ALDH6A1: variants seen among roughly 807,000 people sequenced by gnomAD.
ALDH6A1 encodes the protein methylmalonate-semialdehyde/malonate-semialdehyde dehydrogenase [acylating], mitochondrial.
A neutral mutation model predicts 62.6 loss-of-function variants in ALDH6A1; 43 were observed. The ratio of observed to expected loss-of-function variants is 0.69; its 90% CI spans 0.54 to 0.89. The LOEUF is 0.89. Ranked by LOEUF, ALDH6A1 falls within the 40% of genes least tolerant of loss-of-function variation. The pLI is 0.00. For synonymous variants in ALDH6A1, 194 were observed against 234.2 expected, an observed-to-expected ratio of 0.83 and a Z score of 1.57; for missense variants, 551 against 661.3, an observed-to-expected ratio of 0.83 and a Z score of 1.83.
rs368024905 is a variant in ALDH6A1 at position 74,072,397 on chromosome 14, C to T, written c.187-33G>A. 5 of 1,613,938 alleles carry T rather than the reference C, an allele frequency of 3.1e-6. No homozygotes were observed. In the African/African-American group the frequency reaches 6.7e-5, roughly 22 times the overall value. ...GAAAAATAAGCACATGATCCTTTGCCTGACTCACCTTCTCCACTGTACATC... is the reference window on the plus strand; with the variant it reads ...GAAAAATAAGCACATGATCCTTTGCTTGACTCACCTTCTCCACTGTACATC... On this transcript the variant is annotated intron_variant, in intron 3 of 11. Coordinates refer to ENST00000553458, the MANE Select transcript of ALDH6A1 (RefSeq NM_005589.4).
chr14:74,065,250 A>G lies in ALDH6A1; in HGVS notation c.1335T>C (p.Asn445=). The G allele has an allele frequency of 1.2e-6, 2 of 1,614,122 alleles. No individual in the cohort carries two copies. Among genetic ancestry groups the G allele is most frequent in the Non-Finnish European group, 1.7e-6 (2 of 1,180,008 alleles). Residue 445 remains asparagine (N), a synonymous_variant, in exon 10 of 12, where the codon AAT becomes AAC. Transcript: ENST00000553458. ...IQIVNNNPYG[N]GTAIFTTNGA... Reference sequence around the variant, plus strand: ...CATTGGTGGTGAAGATGGCAGTTCCATTTCCATATGGGTTGTTATTTACAA... The same window carrying G: ...CATTGGTGGTGAAGATGGCAGTTCCGTTTCCATATGGGTTGTTATTTACAA...
intron 1 of ALDH6A1, among the ~76,000 whole-genome samples, chr14:74,077,069 T>C (rs1280364234): frequency 6.6e-6 from 1 of 152,152 alleles, no homozygotes; most frequent in East Asian, 1.9e-4. Context: ...AGATAGTCCT[T>C]CCAAATACCT....
chr14:74,060,603 G>C lies in ALDH6A1; in HGVS notation c.*39C>G. The C allele has an allele frequency of 7.3e-7, 1 of 1,368,458 alleles. No homozygotes were observed. Among genetic ancestry groups the C allele is most frequent in the Non-Finnish European group, 1.0e-6 (1 of 955,900 alleles). The allele number at this position is 1,368,458 out of a possible 1,614,324, so 84.8% of individuals were successfully genotyped here. A position where few individuals can be genotyped will look rare whatever the true frequency, so the allele number is the denominator to read the frequency against. On this transcript the variant is annotated 3_prime_UTR_variant, in exon 12 of 12. Transcript: ENST00000553458. ...ATGAAGCTGGTCAAAAATAAAGGGAGATTACTCAGGATGGAGTCAGTCTTA... is the reference window on the plus strand; with the variant it reads ...ATGAAGCTGGTCAAAAATAAAGGGACATTACTCAGGATGGAGTCAGTCTTA...
At chr14:74,065,494 A>G in intron 9 of ALDH6A1, 134 bp from the exon 10 acceptor site, 1 of 855,090 alleles carries the variant, frequency 1.2e-6, no homozygotes, top group Non-Finnish European at 1.9e-6. Context: ...TTTCATTTCA[A>G]ATCACCTATT....
chr14:74,077,354 T>G (rs1044557981), intron 1 of ALDH6A1, among the ~76,000 whole-genome samples: 3 of 152,204 alleles, frequency 2.0e-5, no homozygotes, highest in Non-Finnish European at 4.4e-5. Context: ...TTTGGTATCT[T>G]ATTCCGTTTT....
intron 1 of ALDH6A1, chr14:74,078,091 T>C (rs2060632770): frequency 2.4e-6 from 1 of 422,896 alleles, no homozygotes. Flanking sequence ...TAAACACTTA[T>C]TGTTTATTTT....
At chr14:74,084,321 GGTGC>G (rs754635666) in intron 1 of ALDH6A1, 22 bp downstream of exon 1, 1 of 1,613,686 alleles carries the variant, frequency 6.2e-7, no homozygotes, top group South Asian at 1.1e-5. Context: ...CTAGCTTCAT[GGTGC>G]CTTGGCACCA....
intron 1 of ALDH6A1, chr14:74,078,053 C>A: frequency 2.7e-6 from 1 of 375,340 alleles, no homozygotes; most frequent in East Asian, 7.4e-5. Context: ...GCTTGGGGAA[C>A]ATAACGAGAC....
At position 74,075,013 on chromosome 14, in the gene ALDH6A1, G is replaced by A. The variant is rs144485979; in HGVS notation, c.53C>T (p.Ser18Phe). The change falls in exon 2 of 12, where the codon TCT becomes TTT. Residue 18 changes from serine to phenylalanine, a missense_variant. Transcript: ENST00000553458. ...GGTGGGACTGGATTTCACCTTGGAA[G>A]AAACCTGTGAGGCAAAAGAACGATT... ...AAVRARILQV[S>F]SKVKSSPTWY... 1.1e-4 allele frequency: 185 copies of A among 1,613,860 alleles called. No homozygotes were observed. Among genetic ancestry groups the A allele is most frequent in the Non-Finnish European group, 1.5e-4 (179 of 1,179,914 alleles).
rs901602080 is a variant in ALDH6A1 at position 74,059,700 on chromosome 14, A to T, written c.*942T>A. 5.9e-6 allele frequency: 1 copy of T among 170,068 alleles called. No homozygotes were observed. Among genetic ancestry groups the T allele is most frequent in the Non-Finnish European group, 1.3e-5 (1 of 79,918 alleles). 10.5% of individuals were successfully genotyped at this position (170,068 alleles called of 1,614,324 possible). A position where few individuals can be genotyped will look rare whatever the true frequency, so the allele number is the denominator to read the frequency against. On this transcript the variant is annotated 3_prime_UTR_variant, in exon 12 of 12. Coordinates refer to ENST00000553458, the MANE Select transcript of ALDH6A1 (RefSeq NM_005589.4). The stretch of plus-strand genomic sequence containing the variant: ...ACAAGAGTGAAACTCCATCTCAAAA[A>T]AAAGAAAAAAGAAAATTATTTGCAT...
In ALDH6A1 at chr14:74,060,708, A is replaced by G; in HGVS notation, c.1542T>C (p.Ser514=). The G allele has an allele frequency of 6.2e-7, 1 of 1,613,824 alleles. No individual in the cohort carries two copies. The highest frequency in any genetic ancestry group is 8.5e-7 in the Non-Finnish European group (1 of 1,179,728). ...GAGTAGCATCTTCTTCTTTCCACTGAGAAGTAATGGTCTTTAACTGAGTGT... is the reference window on the plus strand; with the variant it reads ...GAGTAGCATCTTCTTCTTTCCACTGGGAAGTAATGGTCTTTAACTGAGTGT... The part of the protein sequence containing the change: ...QFYTQLKTIT[S]QWKEEDATLS... The change falls in exon 12 of 12, where the codon TCT becomes TCC. Residue 514 remains serine (S), a synonymous_variant. Transcript: ENST00000553458.
intron 4 of ALDH6A1, 113 bp downstream of exon 4, chr14:74,072,090 T>A: frequency 6.4e-7 from 1 of 1,572,804 alleles, no homozygotes; most frequent in Non-Finnish European, 8.7e-7. Flanking sequence ...AGAGTCATGA[T>A]CAACGTCTCT....
intron 2 of ALDH6A1, 61 bp downstream of exon 2, chr14:74,074,894 G>A: frequency 6.5e-7 from 1 of 1,528,776 alleles, no homozygotes; most frequent in African/African-American, 1.4e-5. Context: ...AGAAGATAGA[G>A]ATACCCAAAA....
Position 74,067,457 on chromosome 14 carries a change from G to A in ALDH6A1, c.965C>T (p.Thr322Ile). The A allele has an allele frequency of 1.2e-6, 2 of 1,614,192 alleles. No individual in the cohort carries two copies. Among genetic ancestry groups the A allele is most frequent in the Non-Finnish European group, 1.7e-6 (2 of 1,180,038 alleles). ...AAGQRCMALSTAVLVGEAKKW... is the reference protein window; with the variant it reads ...AAGQRCMALSIAVLVGEAKKW... Reference sequence around the variant, plus strand: ...CTTGGCTTCTCCCACAAGGACTGCTGTTGAAAGAGCCATGCAGCGCTGACC... The same window carrying A: ...CTTGGCTTCTCCCACAAGGACTGCTATTGAAAGAGCCATGCAGCGCTGACC... The change falls in exon 8 of 12, where the codon ACA becomes ATA. Residue 322 changes from threonine to isoleucine, a missense_variant. Physicochemically the swap from Thr to Ile is moderately conservative, Grantham distance 89 (BLOSUM62 -1). Coordinates refer to ENST00000553458, the MANE Select transcript of ALDH6A1 (RefSeq NM_005589.4).
At chr14:74,080,044 ACAAAAAC>A (rs557741993) in intron 1 of ALDH6A1, among the ~76,000 whole-genome samples, 3,125 of 152,178 alleles carry the variant, frequency 0.021, 104 homozygotes, top group African/African-American at 0.069. Context: ...TCTTAAAAAA[ACAAAAAC>A]CAAAAAACAA....
chr14:74,067,599 C>T (rs762238425), intron 7 of ALDH6A1, 30 bp from the exon 8 acceptor site: 4 of 1,609,582 alleles, frequency 2.5e-6, no homozygotes, highest in South Asian at 2.2e-5. Flanking sequence ...GCACATGAGT[C>T]TTCCTTGGCC....
Position 74,071,252 on chromosome 14 carries a change from G to A in ALDH6A1, c.673C>T (p.Leu225Phe), listed in dbSNP as rs2060545036. The A allele has an allele frequency of 6.2e-7, 1 of 1,614,180 alleles. No homozygotes were observed. Among genetic ancestry groups the A allele is most frequent in the East Asian group, 2.2e-5 (1 of 44,884 alleles). The change falls in exon 6 of 12, where the codon CTC (leucine) becomes TTC (phenylalanine). Residue 225 changes from leucine to phenylalanine, a missense_variant. Leu to Phe is a conservative substitution (Grantham distance 22, BLOSUM62 0). Coordinates refer to ENST00000553458, the MANE Select transcript of ALDH6A1 (RefSeq NM_005589.4). ...PGATMLLAKL[L>F]QDSGAPDGTL... is the part of the protein sequence containing the mutation. The stretch of plus-strand genomic sequence containing the variant: ...CCATCAGGGGCACCAGAATCCTGGA[G>A]CAACTTAGCAAGAAGCATAGTTGCT...
rs762571931 is a variant in ALDH6A1 at position 74,065,347 on chromosome 14, C to A, written c.1238G>T (p.Cys413Phe). Reference protein sequence around the residue: ...IISNVKPNMTCYKEEIFGPVL... With the variant: ...IISNVKPNMTFYKEEIFGPVL... Reference sequence around the variant, plus strand: ...TGGACCAAAAATCTCCTCTTTGTAACAGGTCATATTTGGCTGCCAGGAGTG... The same window carrying A: ...TGGACCAAAAATCTCCTCTTTGTAAAAGGTCATATTTGGCTGCCAGGAGTG... The change falls in exon 10 of 12, where the codon TGT (cysteine) becomes TTT (phenylalanine). Residue 413 changes from cysteine (C) to phenylalanine (F), a missense_variant. Physicochemically the swap from Cys to Phe is radical, Grantham distance 205. Coordinates refer to ENST00000553458, the MANE Select transcript of ALDH6A1 (RefSeq NM_005589.4). The A allele has an allele frequency of 6.8e-6, 11 of 1,614,040 alleles. No individual in the cohort carries two copies. The highest frequency in any genetic ancestry group is 9.3e-6 in the Non-Finnish European group (11 of 1,180,022).
intron 9 of ALDH6A1, 56 bp downstream of exon 9, chr14:74,066,649 T>C (rs997076077): frequency 2.7e-6 from 4 of 1,485,290 alleles, no homozygotes; most frequent in Non-Finnish European, 2.8e-6. Flanking sequence ...GGGATGAGAT[T>C]CTATAGCCTT....
Sources: gnomAD v4.1 joint callset for allele counts (sites outside exome capture counted in the v4.1 genomes callset) on GRCh38, gnomAD v4.1.1 for gene constraint, MANE v1.5 for transcripts, NCBI Gene and HGNC (gene_info 2026-07-23, HGNC 2026-07-21) for gene names.